The following RAB35 variants were observed in gnomAD, a reference collection of about 807,000 sequenced individuals.
RAB35 encodes the protein ras-related protein Rab-35.
In RAB35, 4 loss-of-function variants were observed where a neutral mutation model predicts 28.9. The observed-to-expected ratio is 0.14, with a 90% CI of 0.07 to 0.32. The LOEUF is 0.32. RAB35 is among the 10% of genes least tolerant of loss of function. The pLI, the probability that RAB35 is intolerant of heterozygous loss-of-function variation, is 1.00. For missense variants in RAB35, 128 were observed against 274.0 expected (o/e 0.47, Z 3.76); for synonymous variants, 99 against 105.1 (o/e 0.94, Z 0.35).
At chr12:120,099,731 G>A (rs566834937) in intron 3 of RAB35, among the ~76,000 whole-genome samples, 1 of 152,274 alleles carries the variant, frequency 6.6e-6, no homozygotes, top group Non-Finnish European at 1.5e-5. Flanking sequence ...TGGCTGGGGA[G>A]AGGGCGCCCA....
intron 3 of RAB35, among the ~76,000 whole-genome samples, chr12:120,101,880 G>C (rs954167672): frequency 6.6e-6 from 1 of 152,186 alleles, no homozygotes; most frequent in African/African-American, 2.4e-5. Context: ...CCTTCTTCCC[G>C]CTCTGCCCAG....
chr12:120,098,077 G>A (rs748105939), intron 5 of RAB35, among the ~76,000 whole-genome samples: 2 of 152,024 alleles, frequency 1.3e-5, no homozygotes, highest in African/African-American at 4.8e-5. Flanking sequence ...GTAGAGACAG[G>A]GTTCCACCAT....
At chr12:120,097,701 C>T (rs910939268) in intron 5 of RAB35, among the ~76,000 whole-genome samples, 1 of 152,018 alleles carries the variant, frequency 6.6e-6, no homozygotes, top group Non-Finnish European at 1.5e-5. Flanking sequence ...GGGCTGTGAA[C>T]ACACCACTGC....
intron 1 of RAB35, among the ~76,000 whole-genome samples, chr12:120,111,188 C>T (rs1876103380): frequency 6.6e-6 from 1 of 152,254 alleles, no homozygotes; most frequent in Non-Finnish European, 1.5e-5. Context: ...TGCTATCCAG[C>T]GCTCCCACTG....
chr12:120,100,108 C>A (rs1483460169), intron 3 of RAB35, among the ~76,000 whole-genome samples: 2 of 152,172 alleles, frequency 1.3e-5, no homozygotes, highest in Non-Finnish European at 2.9e-5. Flanking sequence ...GCCCTAATTA[C>A]CTCCACCCCC....
intron 3 of RAB35, among the ~76,000 whole-genome samples, chr12:120,102,335 G>T (rs1223595292): frequency 6.6e-6 from 1 of 152,194 alleles, no homozygotes; most frequent in Middle Eastern, 3.2e-3. Context: ...GGCTTGCCTC[G>T]CCTGGGCCTG....
intron 1 of RAB35, among the ~76,000 whole-genome samples, chr12:120,115,988 C>T (rs1876315033): frequency 6.6e-6 from 1 of 152,188 alleles, no homozygotes; most frequent in South Asian, 2.1e-4. Flanking sequence ...ATATGCCAGA[C>T]CCTGTGCAAA....
intron 1 of RAB35, among the ~76,000 whole-genome samples, chr12:120,108,991 T>C (rs903870714): frequency 1.1e-4 from 17 of 152,228 alleles, no homozygotes; most frequent in African/African-American, 4.1e-4. Flanking sequence ...GGCTACCATC[T>C]TTCTGGCTGA....
chr12:120,110,575 CAAG>C, intron 1 of RAB35, among the ~76,000 whole-genome samples: 1 of 152,194 alleles, frequency 6.6e-6, no homozygotes. Context: ...AATAGATTCT[CAAG>C]AAGGGCACTG....
At chr12:120,097,589 A>C (rs1187023068) in intron 5 of RAB35, among the ~76,000 whole-genome samples, 2 of 152,202 alleles carry the variant, frequency 1.3e-5, no homozygotes, top group Non-Finnish European at 2.9e-5. Flanking sequence ...TCTACAAAAA[A>C]CACAAAAATT....
At chr12:120,097,493 G>C in intron 5 of RAB35, 120 bp from the exon 6 acceptor site, 1 of 737,174 alleles carries the variant, frequency 1.4e-6, no homozygotes, top group Non-Finnish European at 2.3e-6. Context: ...TTTTTGGTAT[G>C]TATGTCTTCA....
At position 120,103,638 on chromosome 12, in the gene RAB35, C is replaced by A. The variant is rs1039410806; in HGVS notation, c.227+188G>T. Among the ~76,000 whole-genome samples the A allele has an allele frequency of 5.9e-5, 9 of 152,200 alleles. No individual in the cohort carries two copies. Among genetic ancestry groups the A allele is most frequent in the Admixed American group, 2.6e-4 (4 of 15,288 alleles). ...GGTGCTCAGCGACTCCCCCACAGCA[C>A]CCCCCTCACATCTTCAGGACCAGGA... On this transcript the variant is annotated intron_variant, in intron 3 of 5. Transcript: ENST00000229340. This position sits in a 1 kb window ranked among gnomAD's most constrained non-coding sequence, Gnocchi z 6.1.
chr12:120,098,724 T>A, intron 5 of RAB35, 87 bp downstream of exon 5: 1 of 1,557,224 alleles, frequency 6.4e-7, no homozygotes, highest in East Asian at 2.2e-5. Flanking sequence ...CATTTTCTGT[T>A]GGTCATTTAG....
intron 3 of RAB35, among the ~76,000 whole-genome samples, chr12:120,100,899 G>A (rs1875631700): frequency 6.6e-6 from 1 of 152,226 alleles, no homozygotes; most frequent in African/African-American, 2.4e-5. Context: ...ACAGGAACAG[G>A]CGACTGTCCC....
intron 1 of RAB35, among the ~76,000 whole-genome samples, chr12:120,115,431 G>C (rs1286922714): frequency 2.0e-5 from 3 of 152,116 alleles, no homozygotes; most frequent in Non-Finnish European, 4.4e-5. Flanking sequence ...GCTCAGGTCT[G>C]GTCTACAAAC....
chr12:120,102,743 G>A (rs1366667114), intron 3 of RAB35, among the ~76,000 whole-genome samples: 2 of 152,188 alleles, frequency 1.3e-5, no homozygotes, highest in Non-Finnish European at 2.9e-5. Context: ...CAGCCAGCCT[G>A]GGGAGTGCCG....
chr12:120,100,171 C>T (rs1594238061), intron 3 of RAB35, among the ~76,000 whole-genome samples: 1 of 152,218 alleles, frequency 6.6e-6, no homozygotes, highest in South Asian at 2.1e-4. Context: ...CCCAAGTCAG[C>T]GCAGGCTGAG....
intron 2 of RAB35, among the ~76,000 whole-genome samples, chr12:120,104,321 T>C (rs1324433406): frequency 2.6e-5 from 4 of 152,140 alleles, no homozygotes; most frequent in African/African-American, 9.7e-5. Context: ...GGTTTTTCTT[T>C]TCTATTCAAG....
rs1190427070 is a variant in RAB35 at position 120,096,549 on chromosome 12, CT to C, written c.*695del. Reference sequence around the variant, plus strand: ...CCCTGGGTTTGGAGCTCAGAGGCATCTAGAAGGCAGGACAAGAAATCTGTTG... The same window carrying C: ...CCCTGGGTTTGGAGCTCAGAGGCATCAGAAGGCAGGACAAGAAATCTGTTG... On this transcript the variant is annotated 3_prime_UTR_variant, in exon 6 of 6. Transcript: ENST00000229340. The C allele has an allele frequency of 7.8e-7, 1 of 1,289,794 alleles. No individual in the cohort carries two copies. Among genetic ancestry groups the C allele is most frequent in the Admixed American group, 2.3e-5 (1 of 43,574 alleles). 79.9% of individuals were successfully genotyped at this position (1,289,794 alleles called of 1,614,324 possible).
Sources: gnomAD v4.1 joint callset for allele counts (sites outside exome capture counted in the v4.1 genomes callset) on GRCh38, gnomAD v4.1.1 for gene constraint, Gnocchi (gnomAD v3.1) non-coding constraint, MANE v1.5 for transcripts, NCBI Gene and HGNC (gene_info 2026-07-23, HGNC 2026-07-21) for gene names.